The following RELN variants were observed in gnomAD, a reference collection of about 807,000 sequenced individuals.
The protein encoded by RELN is reelin.
Under a neutral mutation model 427.6 loss-of-function variants are expected in RELN, and 108 were observed. The observed-to-expected ratio is 0.25, with a 90% CI of 0.22 to 0.30. The LOEUF (loss-of-function observed/expected upper bound fraction) is 0.30, where lower values mean the gene tolerates loss of function less well. Ranked by LOEUF, RELN falls within the 10% of genes least tolerant of loss-of-function variation. The pLI is 1.00. For synonymous variants in RELN, 1,524 were observed against 1,513.4 expected (o/e 1.01, Z -0.16); for missense variants, 3,715 against 4,302.8 (o/e 0.86, Z 3.82).
chr7:103,967,623 G>A (rs967413322), intron 1 of RELN, among the ~76,000 whole-genome samples: 1 of 152,196 alleles, frequency 6.6e-6, no homozygotes, highest in Non-Finnish European at 1.5e-5. Context: ...CCTCTATCAT[G>A]TGAGCAAGGC....
chr7:103,535,138 T>C (rs1171051504), intron 46 of RELN, among the ~76,000 whole-genome samples, 178 bp downstream of exon 46: 5 of 152,350 alleles, frequency 3.3e-5, no homozygotes, highest in East Asian at 1.9e-4. Flanking sequence ...AATAATGCCA[T>C]GATAAAAACT....
At chr7:103,604,122 G>A (rs1026375038) in intron 23 of RELN, among the ~76,000 whole-genome samples, 1 of 152,166 alleles carries the variant, frequency 6.6e-6, no homozygotes, top group African/African-American at 2.4e-5. Context: ...AGGAGGCCTT[G>A]TCTTGAGGTT....
intron 3 of RELN, among the ~76,000 whole-genome samples, chr7:103,809,751 A>G (rs1792690994): frequency 6.6e-6 from 1 of 152,204 alleles, no homozygotes; most frequent in Non-Finnish European, 1.5e-5. Flanking sequence ...TGTCATTTGT[A>G]GAAAGTTAAT....
At chr7:103,882,415 T>A (rs1794627586) in intron 2 of RELN, among the ~76,000 whole-genome samples, 1 of 152,202 alleles carries the variant, frequency 6.6e-6, no homozygotes, top group African/African-American at 2.4e-5. Context: ...TATCTCCCTA[T>A]CAATATATCC....
chr7:103,834,017 C>T (rs541860778), intron 2 of RELN, among the ~76,000 whole-genome samples: 1 of 152,076 alleles, frequency 6.6e-6, no homozygotes, highest in Non-Finnish European at 1.5e-5. Context: ...AGACCAAACG[C>T]CATAGGGAGG....
chr7:103,622,684 ACT>A (rs1362922823), intron 20 of RELN, among the ~76,000 whole-genome samples: 1 of 151,804 alleles, frequency 6.6e-6, no homozygotes, highest in African/African-American at 2.4e-5. Flanking sequence ...ATTATTCTAG[ACT>A]CTAATGCCTC....
chr7:103,771,896 C>T (rs1240989885), intron 4 of RELN, among the ~76,000 whole-genome samples: 1 of 152,180 alleles, frequency 6.6e-6, no homozygotes, highest in Non-Finnish European at 1.5e-5. Context: ...CCATCATCTG[C>T]CTTTAATCTG....
At chr7:103,835,314 G>C (rs1452648863) in intron 2 of RELN, among the ~76,000 whole-genome samples, 1 of 152,184 alleles carries the variant, frequency 6.6e-6, no homozygotes, top group African/African-American at 2.4e-5. Context: ...TGAACAGAAA[G>C]GGCACAGAGG....
In RELN at chr7:103,593,777, T is replaced by C. The variant is rs1831475227; in HGVS notation, c.3817A>G (p.Thr1273Ala). Residue 1273 changes from threonine to alanine, a missense_variant, in exon 27 of 65, where the codon ACA (threonine) becomes GCA (alanine). Thr to Ala is a moderately conservative substitution (Grantham distance 58, BLOSUM62 0). Coordinates refer to ENST00000428762, the MANE Select transcript of RELN (RefSeq NM_005045.4). Reference sequence around the variant, plus strand: ...TTTCCAAATATCATTGCTGATGGTGTGGCAGCACAGAAGGTTTCATTTTTA... The same window carrying C: ...TTTCCAAATATCATTGCTGATGGTGCGGCAGCACAGAAGGTTTCATTTTTA... ...MVKNETFCAA[T>A]PSAMIFGKSD... is the part of the protein sequence containing the mutation. 6.2e-7 allele frequency: 1 copy of C among 1,613,514 alleles called. No individual in the cohort carries two copies. The highest frequency in any genetic ancestry group is 8.5e-7 in the Non-Finnish European group (1 of 1,179,474).
Position 103,496,719 on chromosome 7 carries a change from A to G in RELN, c.9000T>C (p.Ser3000=), listed in dbSNP as rs373401306. The change falls in exon 56 of 65, where the codon TCT becomes TCC. Residue 3000 remains serine (S), a synonymous_variant. Coordinates refer to ENST00000428762, the MANE Select transcript of RELN (RefSeq NM_005045.4). Reference sequence around the variant, plus strand: ...GAAGAAGTATGTAGTCGTGTCTAACAGAAATGTATTTCTGGTAATCCATCT... The same window carrying G: ...GAAGAAGTATGTAGTCGTGTCTAACGGAAATGTATTTCTGGTAATCCATCT... The part of the protein sequence containing the change: ...LHEMDYQKYI[S]VRHDYILLPE... The G allele has an allele frequency of 6.2e-7, 1 of 1,614,172 alleles. No individual in the cohort carries two copies.
chr7:103,775,346 A>G (rs1455331990), intron 4 of RELN, among the ~76,000 whole-genome samples: 1 of 152,226 alleles, frequency 6.6e-6, no homozygotes. Context: ...AACTATAACT[A>G]GAATGAAGTT....
intron 3 of RELN, among the ~76,000 whole-genome samples, chr7:103,803,196 A>C (rs1792511700): frequency 6.6e-6 from 1 of 152,046 alleles, no homozygotes; most frequent in African/African-American, 2.4e-5. Context: ...CTCCTACTCA[A>C]ACTTACTTTA....
intron 2 of RELN, among the ~76,000 whole-genome samples, chr7:103,885,517 T>C (rs929781604): frequency 1.3e-5 from 2 of 152,110 alleles, no homozygotes; most frequent in Non-Finnish European, 2.9e-5. Context: ...ATGTTCTTAC[T>C]CATAAGTTGG....
intron 1 of RELN, among the ~76,000 whole-genome samples, chr7:103,986,465 T>C (rs1797098954): frequency 6.6e-6 from 1 of 152,128 alleles, no homozygotes; most frequent in African/African-American, 2.4e-5. Context: ...CAGGGACCTA[T>C]AATTGTGAAC....
chr7:103,559,998 C>G (rs1354407549), intron 36 of RELN, among the ~76,000 whole-genome samples: 1 of 152,130 alleles, frequency 6.6e-6, no homozygotes, highest in East Asian at 1.9e-4. Context: ...TTTGTAGGAG[C>G]AATTTTATTG....
chr7:103,572,743 T>C (rs6960434), intron 30 of RELN, among the ~76,000 whole-genome samples: 71,595 of 151,348 alleles, frequency 0.47, 16,994 homozygotes, highest in South Asian at 0.51. Context: ...GCTAACACGG[T>C]GAAACCCCGT....
Position 103,483,794 on chromosome 7 carries a change from CTG to C in RELN, c.10038_10039del (p.Asn3346LysfsTer2). The C allele has an allele frequency of 6.2e-7, 1 of 1,614,094 alleles. No individual in the cohort carries two copies. The highest frequency in any genetic ancestry group is 8.5e-7 in the Non-Finnish European group (1 of 1,179,920). The stretch of plus-strand genomic sequence containing the variant: ...CACAGCGTGGGGGCCACTCAGGTCA[CTG>C]TTGCAGCTGTCCGTCTGCGACATGC... On this transcript the variant is annotated frameshift_variant, in exon 62 of 65. Transcript: ENST00000428762. LOFTEE classifies it high-confidence loss of function.
intron 49 of RELN, 39 bp from the exon 50 acceptor site, chr7:103,515,480 C>G: frequency 1.9e-6 from 3 of 1,602,652 alleles, no homozygotes; most frequent in Non-Finnish European, 2.5e-6. Flanking sequence ...GGGAAGAACC[C>G]TTGTCAAATA....
At position 103,569,300 on chromosome 7, in the gene RELN, C is replaced by T. The variant is rs889174206; in HGVS notation, c.4589-2541G>A. Among the ~76,000 whole-genome samples the T allele has an allele frequency of 2.6e-5, 4 of 152,204 alleles. No individual in the cohort carries two copies. The highest frequency in any genetic ancestry group is 9.6e-5 in the African/African-American group (4 of 41,456). On this transcript the variant is annotated intron_variant, in intron 31 of 64. Coordinates refer to ENST00000428762, the MANE Select transcript of RELN (RefSeq NM_005045.4). This position sits in a 1 kb window ranked among gnomAD's most constrained non-coding sequence, Gnocchi z 4.0. The stretch of plus-strand genomic sequence containing the variant: ...GTAAGCCATCTTGGAAGTAGATCAC[C>T]TAGCCCTGGCTAAGTCTTCCAGTGA...
Sources: allele counts gnomAD v4.1 joint callset (sites outside exome capture counted in the v4.1 genomes callset), GRCh38; gene constraint gnomAD v4.1.1; non-coding constraint Gnocchi (gnomAD v3.1); transcripts MANE v1.5; gene names NCBI Gene and HGNC (gene_info 2026-07-23, HGNC 2026-07-21).